The following STXBP5L variants were observed in gnomAD, a reference collection of about 807,000 sequenced individuals.
STXBP5L encodes syntaxin-binding protein 5-like.
A neutral mutation model predicts 144.5 loss-of-function variants in STXBP5L; 65 were observed. That is an observed-to-expected ratio of 0.45 (90% confidence interval 0.37 to 0.55). The LOEUF is 0.55. STXBP5L is among the 20% of genes least tolerant of loss of function. STXBP5L has a pLI of 0.00. For synonymous variants in STXBP5L, 505 were observed against 469.6 expected, an observed-to-expected ratio of 1.08 and a Z score of -0.97; for missense variants, 1,298 against 1,405.5, an observed-to-expected ratio of 0.92 and a Z score of 1.22.
rs187862328 is a variant in STXBP5L, at chr3:121,095,729, G to A, written c.471-19196G>A. On this transcript the variant is annotated intron_variant, in intron 5 of 26. Transcript: ENST00000471454. ...TTTTTAACTTCTTTGCGATGGGTTC[G>A]AACTTCCTCCTTTAGCTCGGAGAAG... 1.8e-4 allele frequency among the ~76,000 whole-genome samples: 27 copies of A among 152,080 alleles called. No individual in the cohort carries two copies. The South Asian group carries it at 3.7e-3, about 21-fold the overall frequency.
At position 121,259,181 on chromosome 3, in the gene STXBP5L, AC is replaced by A. The variant is rs757934885; in HGVS notation, c.1958+14del. On this transcript the variant is annotated intron_variant, in intron 18 of 26. Coordinates refer to ENST00000471454, the MANE Select transcript of STXBP5L (RefSeq NM_001308330.2). Reference sequence around the variant, plus strand: ...CAGCATATGGAATGTAAGTAATTAAACTTTTTTATGATATGTATTATTTAGC... The same window carrying A: ...CAGCATATGGAATGTAAGTAATTAAATTTTTTATGATATGTATTATTTAGC... The A allele has an allele frequency of 6.6e-7, 1 of 1,521,028 alleles. No homozygotes were observed. The highest frequency in any genetic ancestry group is 2.4e-5 in the East Asian group (1 of 41,582). 94.2% of individuals were successfully genotyped at this position (1,521,028 alleles called of 1,614,324 possible).
intron 3 of STXBP5L, among the ~76,000 whole-genome samples, chr3:121,007,573 T>C (rs1280847711): frequency 2.6e-5 from 4 of 152,066 alleles, no homozygotes; most frequent in Non-Finnish European, 4.4e-5. Flanking sequence ...TATAGCAGCA[T>C]TATTCTCCTC....
intron 22 of STXBP5L, among the ~76,000 whole-genome samples, chr3:121,406,145 A>G (rs2046989267): frequency 6.6e-6 from 1 of 151,908 alleles, no homozygotes; most frequent in South Asian, 2.1e-4. Context: ...CTTAACCCTT[A>G]AACTGCAGCA....
At position 120,950,710 on chromosome 3, in the gene STXBP5L, G is replaced by A. The variant is rs574122536; in HGVS notation, c.190-4230G>A. ...CTCATGGGTAGGAAGAATCAATATCGTGAAAATGGCCATACTGCCCAAAGT... is the reference window on the plus strand; with the variant it reads ...CTCATGGGTAGGAAGAATCAATATCATGAAAATGGCCATACTGCCCAAAGT... On this transcript the variant is annotated intron_variant, in intron 2 of 26. Coordinates refer to ENST00000471454, the MANE Select transcript of STXBP5L (RefSeq NM_001308330.2). 1.1e-4 allele frequency among the ~76,000 whole-genome samples: 16 copies of A among 152,044 alleles called. 1 individual carries two copies. The highest frequency in any genetic ancestry group is 3.9e-4 in the East Asian group (2 of 5,184).
chr3:121,234,493 T>TTG (rs1191538766), intron 12 of STXBP5L, among the ~76,000 whole-genome samples: 2 of 152,168 alleles, frequency 1.3e-5, no homozygotes, highest in Non-Finnish European at 2.9e-5. Flanking sequence ...TTCATAGCTT[T>TTG]TGACACAGAT....
chr3:121,077,193 A>G (rs924907227), intron 5 of STXBP5L, among the ~76,000 whole-genome samples: 4 of 152,110 alleles, frequency 2.6e-5, no homozygotes, highest in African/African-American at 9.7e-5. Flanking sequence ...TTTCATCCGA[A>G]TCAGCACCCT....
chr3:121,261,033 T>C (rs902424887), intron 18 of STXBP5L, among the ~76,000 whole-genome samples: 16 of 152,200 alleles, frequency 1.1e-4, no homozygotes, highest in African/African-American at 3.4e-4. Context: ...AAGTAATTAC[T>C]GTGAAAGATA....
At chr3:121,009,129 A>G (rs1328928034) in intron 3 of STXBP5L, among the ~76,000 whole-genome samples, 1 of 151,960 alleles carries the variant, frequency 6.6e-6, no homozygotes, top group Non-Finnish European at 1.5e-5. Context: ...CTCATTATGA[A>G]GGCAGTGGGG....
At chr3:121,351,065 C>T (rs1482884496) in intron 20 of STXBP5L, among the ~76,000 whole-genome samples, 1 of 152,092 alleles carries the variant, frequency 6.6e-6, no homozygotes, top group African/African-American at 2.4e-5. Flanking sequence ...TTTTTCTGCT[C>T]TGTTTTTTCC....
At chr3:121,018,416 G>C (rs1204876281) in intron 3 of STXBP5L, among the ~76,000 whole-genome samples, 2 of 150,340 alleles carry the variant, frequency 1.3e-5, no homozygotes, top group Non-Finnish European at 3.0e-5. Context: ...AAATAGATCT[G>C]TATAAATACA....
At chr3:121,008,866 A>G (rs1944554878) in intron 3 of STXBP5L, among the ~76,000 whole-genome samples, 1 of 152,026 alleles carries the variant, frequency 6.6e-6, no homozygotes. Context: ...ATATGTAGCA[A>G]TTGTAATAAA....
Position 121,074,532 on chromosome 3 carries a change from C to T in STXBP5L, c.470+28997C>T, listed in dbSNP as rs527716760. On this transcript the variant is annotated intron_variant, in intron 5 of 26. Coordinates refer to ENST00000471454, the MANE Select transcript of STXBP5L (RefSeq NM_001308330.2). ...ACGGATTCACACTGGGTAAGTGCCC[C>T]GCAGCAGTTCCACCACTACATGTGC... is the stretch of plus-strand genomic sequence containing the variant. Among the ~76,000 whole-genome samples the T allele has an allele frequency of 4.3e-4, 65 of 152,258 alleles. 1 individual carries two copies. In the South Asian group the frequency reaches 6.9e-3, roughly 16 times the overall value.
At chr3:121,084,415 T>A (rs761978572) in intron 5 of STXBP5L, among the ~76,000 whole-genome samples, 34 of 152,078 alleles carry the variant, frequency 2.2e-4, no homozygotes, top group Admixed American at 2.0e-4. Context: ...CTTCCACGTG[T>A]TTTCATTGTT....
intron 2 of STXBP5L, among the ~76,000 whole-genome samples, chr3:120,937,647 C>T (rs1710334468): frequency 1.3e-5 from 2 of 152,056 alleles, no homozygotes; most frequent in Admixed American, 6.6e-5. Context: ...AGTTTCTTTG[C>T]TTTTTTCTTG....
intron 20 of STXBP5L, among the ~76,000 whole-genome samples, chr3:121,370,063 G>A (rs150388029): frequency 4.2e-4 from 64 of 152,158 alleles, no homozygotes; most frequent in African/African-American, 1.2e-3. Flanking sequence ...CCTGAGATAC[G>A]CTTGTTTAAA....
At chr3:121,332,950 A>AT (rs2108562627) in intron 20 of STXBP5L, among the ~76,000 whole-genome samples, 1 of 152,304 alleles carries the variant, frequency 6.6e-6, no homozygotes, top group Admixed American at 6.5e-5. Flanking sequence ...AATAACTATC[A>AT]TCAGCCAAGA....
chr3:121,256,597 T>C (rs1400853573), intron 16 of STXBP5L, among the ~76,000 whole-genome samples: 2 of 152,020 alleles, frequency 1.3e-5, no homozygotes, highest in Admixed American at 6.5e-5. Flanking sequence ...ACCAAAAATA[T>C]GGAATTTTGT....
chr3:121,400,704 G>A (rs558713697), intron 22 of STXBP5L, among the ~76,000 whole-genome samples: 15 of 152,248 alleles, frequency 9.9e-5, no homozygotes, highest in African/African-American at 2.9e-4. Context: ...ACCTAAGAAT[G>A]TGCTCCCTCA....
intron 9 of STXBP5L, among the ~76,000 whole-genome samples, chr3:121,159,491 T>A (rs958155952): frequency 3.3e-5 from 5 of 152,124 alleles, no homozygotes; most frequent in Non-Finnish European, 7.4e-5. Flanking sequence ...AGCATGTTTT[T>A]TATGATGGAT....
Sources: gnomAD v4.1 joint callset for allele counts (sites outside exome capture counted in the v4.1 genomes callset) on GRCh38, gnomAD v4.1.1 for gene constraint, MANE v1.5 for transcripts, NCBI Gene and HGNC (gene_info 2026-07-23, HGNC 2026-07-21) for gene names.